The following SYNGR1 variants were observed in gnomAD, a reference collection of about 807,000 sequenced individuals.
The protein encoded by SYNGR1 is synaptogyrin 1.
A neutral mutation model predicts 26.1 loss-of-function variants in SYNGR1; 14 were observed. The observed-to-expected ratio is 0.54, with a 90% CI of 0.35 to 0.84. SYNGR1 has a LOEUF of 0.84. SYNGR1 is among the 40% of genes least tolerant of loss of function. SYNGR1 has a pLI of 0.01. For synonymous variants in SYNGR1, 141 were observed against 150.1 expected (o/e 0.94, Z 0.44); for missense variants, 319 against 332.9 (o/e 0.96, Z 0.33).
chr22:39,350,044 G>T lies in SYNGR1; in HGVS notation c.34G>T (p.Gly12Trp). The T allele has an allele frequency of 2.1e-6, 3 of 1,418,894 alleles. No homozygotes were observed. The highest frequency in any genetic ancestry group is 9.4e-7 in the Non-Finnish European group (1 of 1,068,690). The allele number at this position is 1,418,894 out of a possible 1,614,324, so 87.9% of individuals were successfully genotyped here. ...GGGTGCGTACGGAGCGGGCAAAGCC[G>T]GGGGCGCCTTCGACCCCTACACCCT... Reference protein sequence around the residue: ...EGGAYGAGKAGGAFDPYTLVR... With the variant: ...EGGAYGAGKAWGAFDPYTLVR... Residue 12 changes from glycine (G) to tryptophan (W), a missense_variant, in exon 1 of 4, where the codon GGG becomes TGG. By Grantham distance (184) the Gly-to-Trp change is radical (BLOSUM62 -2). Coordinates refer to ENST00000328933, the MANE Select transcript of SYNGR1 (RefSeq NM_004711.5). This position sits in a 1 kb window ranked among gnomAD's most constrained non-coding sequence, Gnocchi z 4.3.
rs560771314 is a variant in SYNGR1, at chr22:39,382,203, A to G, written c.*289A>G. On this transcript the variant is annotated 3_prime_UTR_variant, in exon 4 of 4. Transcript: ENST00000328933. ...AGCATTCCTTGAGCGCCTACTGGGC[A>G]TCCGGCCTGTGCTGGGCATGGGTGG... is the stretch of plus-strand genomic sequence containing the variant. 9.4e-6 allele frequency: 5 copies of G among 533,152 alleles called. No homozygotes were observed. Among genetic ancestry groups the G allele is most frequent in the Non-Finnish European group, 1.7e-5 (5 of 293,572 alleles). The allele number at this position is 533,152 out of a possible 1,614,324, so 33.0% of individuals were successfully genotyped here. A position where few individuals can be genotyped will look rare whatever the true frequency, so the allele number is the denominator to read the frequency against.
intron 3 of SYNGR1, among the ~76,000 whole-genome samples, chr22:39,379,456 A>AT (rs1322110526): frequency 6.6e-6 from 1 of 152,196 alleles, no homozygotes; most frequent in Non-Finnish European, 1.5e-5. Flanking sequence ...CAACATGGCA[A>AT]AACCCCGTCT....
intron 1 of SYNGR1, 28 bp from the exon 2 acceptor site, chr22:39,374,288 G>C: frequency 6.2e-7 from 1 of 1,609,544 alleles, no homozygotes; most frequent in Non-Finnish European, 8.5e-7. Context: ...GTCTGCCCAG[G>C]TCTAAGGTGT....
intron 1 of SYNGR1, among the ~76,000 whole-genome samples, chr22:39,354,263 C>T (rs1924047713): frequency 6.6e-6 from 1 of 152,312 alleles, no homozygotes; most frequent in Non-Finnish European, 1.5e-5. Context: ...GCCATAATAC[C>T]ACATGGTTCT....
At chr22:39,371,767 G>T (rs1162031426) in intron 1 of SYNGR1, among the ~76,000 whole-genome samples, 1 of 152,134 alleles carries the variant, frequency 6.6e-6, no homozygotes, top group Non-Finnish European at 1.5e-5. Context: ...TTACACACGT[G>T]AGACACCATG....
At chr22:39,353,098 G>A (rs1794437746) in intron 1 of SYNGR1, among the ~76,000 whole-genome samples, 1 of 152,200 alleles carries the variant, frequency 6.6e-6, no homozygotes, top group African/African-American at 2.4e-5. Context: ...CTGACCTCAG[G>A]TGATCCACCT....
intron 1 of SYNGR1, among the ~76,000 whole-genome samples, chr22:39,360,503 C>T (rs573380188): frequency 2.9e-4 from 44 of 152,292 alleles, no homozygotes; most frequent in African/African-American, 1.0e-3. Flanking sequence ...GATCTCTCAG[C>T]AGCGTCTGGC....
chr22:39,374,579 C>T (rs905008425), intron 2 of SYNGR1, 26 bp downstream of exon 2: 2 of 1,610,692 alleles, frequency 1.2e-6, no homozygotes, highest in East Asian at 2.2e-5. Context: ...CAGGTACCCC[C>T]TGCACAGAGT....
intron 1 of SYNGR1, among the ~76,000 whole-genome samples, chr22:39,359,237 T>C (rs1309755842): frequency 2.0e-5 from 3 of 152,116 alleles, no homozygotes; most frequent in Admixed American, 2.0e-4. Flanking sequence ...TACAGGACAT[T>C]GTCCCCCAGC....
intron 1 of SYNGR1, among the ~76,000 whole-genome samples, chr22:39,359,457 T>TAA (rs34838867): frequency 6.9e-6 from 1 of 144,126 alleles, no homozygotes; most frequent in African/African-American, 2.6e-5. Flanking sequence ...CCGTCTCTAC[T>TAA]AAAAAAAAAA....
chr22:39,372,210 C>T (rs538643148), intron 1 of SYNGR1, among the ~76,000 whole-genome samples: 30 of 144,142 alleles, frequency 2.1e-4, no homozygotes, highest in African/African-American at 7.5e-4. Flanking sequence ...TGGCACACTG[C>T]AACCTCCACC....
chr22:39,384,249 G>T lies in SYNGR1; in HGVS notation c.*2335G>T. ...GTACTGCCCATCTGTTTCTCCTCGG[G>T]TGCCAGCCAGCTGCTGGTGATCCTC... On this transcript the variant is annotated 3_prime_UTR_variant, in exon 4 of 4. Coordinates refer to ENST00000328933, the MANE Select transcript of SYNGR1 (RefSeq NM_004711.5). The T allele has an allele frequency of 2.9e-6, 1 of 339,140 alleles. No individual in the cohort carries two copies. The highest frequency in any genetic ancestry group is 4.4e-5 in the East Asian group (1 of 22,780). 21.0% of individuals were successfully genotyped at this position (339,140 alleles called of 1,614,324 possible). A position where few individuals can be genotyped will look rare whatever the true frequency, so the allele number is the denominator to read the frequency against.
Position 39,384,995 on chromosome 22 carries a change from C to T in SYNGR1, c.*3081C>T, listed in dbSNP as rs904662260. ...GGTGTCGCAGTTGAGGGGCTAATTC[C>T]CAGGGGACTGACGTTAGTTCCCTAC... On this transcript the variant is annotated 3_prime_UTR_variant, in exon 4 of 4. Transcript: ENST00000328933. 2.5e-5 allele frequency: 10 copies of T among 398,834 alleles called. No homozygotes were observed. Among genetic ancestry groups the T allele is most frequent in the East Asian group, 7.1e-5 (2 of 28,214 alleles). 24.7% of individuals were successfully genotyped at this position (398,834 alleles called of 1,614,324 possible).
intron 1 of SYNGR1, among the ~76,000 whole-genome samples, chr22:39,352,727 C>T (rs1923964870): frequency 6.6e-6 from 1 of 152,172 alleles, no homozygotes; most frequent in African/African-American, 2.4e-5. Flanking sequence ...GAACTTCCTG[C>T]CTTTAGCATT....
At chr22:39,365,988 CTTTTTTTTTTTTTTT>C (rs777416803) in intron 1 of SYNGR1, among the ~76,000 whole-genome samples, 1 of 68,384 alleles carries the variant, frequency 1.5e-5, no homozygotes, top group East Asian at 9.8e-4. Flanking sequence ...TCAGCCCCTT[CTTTTTTTTTTTTTTT>C]TTTTTTTTTT....
At chr22:39,364,118 C>T in intron 1 of SYNGR1, 1 of 1,607,976 alleles carries the variant, frequency 6.2e-7, no homozygotes, top group Non-Finnish European at 8.5e-7. Context: ...TACCATCTCC[C>T]CTCAAGTAAA....
At chr22:39,375,865 G>T (rs146055510) in intron 2 of SYNGR1, 187 bp from the exon 3 acceptor site, 2 of 782,520 alleles carry the variant, frequency 2.6e-6, no homozygotes, top group South Asian at 1.6e-5. Context: ...CCCTCTTCTC[G>T]CCTGCATCTT....
intron 1 of SYNGR1, among the ~76,000 whole-genome samples, chr22:39,365,568 C>T (rs1237873058): frequency 6.6e-6 from 1 of 152,210 alleles, no homozygotes; most frequent in Non-Finnish European, 1.5e-5. Flanking sequence ...TTTGGGGGAG[C>T]TCCCACTCAG....
In SYNGR1 at chr22:39,357,829, C is replaced by T. The variant is rs895229556; in HGVS notation, c.99+7720C>T. 1.5e-4 allele frequency among the ~76,000 whole-genome samples: 23 copies of T among 152,380 alleles called. No individual in the cohort carries two copies. In the Middle Eastern group the frequency reaches 0.014, roughly 90 times the overall value. On this transcript the variant is annotated intron_variant, in intron 1 of 3. Coordinates refer to ENST00000328933, the MANE Select transcript of SYNGR1 (RefSeq NM_004711.5). Reference sequence around the variant, plus strand: ...CGATTTCTCACTGAGCCTTAGCTGCCTTCCCTCGGGGCAGGGCTCGGGACC... The same window carrying T: ...CGATTTCTCACTGAGCCTTAGCTGCTTTCCCTCGGGGCAGGGCTCGGGACC...
Sources: gnomAD v4.1 joint callset for allele counts (sites outside exome capture counted in the v4.1 genomes callset) on GRCh38, gnomAD v4.1.1 for gene constraint, Gnocchi (gnomAD v3.1) non-coding constraint, MANE v1.5 for transcripts, NCBI Gene and HGNC (gene_info 2026-07-23, HGNC 2026-07-21) for gene names.